Variants in INPP5A observed in about 807,000 individuals in gnomAD.
The protein encoded by INPP5A is 43 kDa inositol polyphosphate 5-phophatase.
A neutral mutation model predicts 65.2 loss-of-function variants in INPP5A; 14 were observed. The ratio of observed to expected loss-of-function variants is 0.21; its 90% CI spans 0.14 to 0.34. INPP5A has a LOEUF of 0.34. Among genes scored for constraint, INPP5A ranks in the 10% least tolerant of loss-of-function variants. The pLI, the probability that INPP5A is intolerant of heterozygous loss-of-function variation, is 1.00. For synonymous variants in INPP5A, 207 were observed against 208.3 expected (o/e 0.99, Z 0.05); for missense variants, 431 against 545.6 (o/e 0.79, Z 2.09).
At chr10:132,700,471 A>C (rs933325224) in intron 6 of INPP5A, among the ~76,000 whole-genome samples, 1 of 152,220 alleles carries the variant, frequency 6.6e-6, no homozygotes, top group African/African-American at 2.4e-5. Flanking sequence ...TTCCCTGGTA[A>C]ATTAACAAAA....
chr10:132,633,729 C>T (rs574704562), intron 2 of INPP5A, among the ~76,000 whole-genome samples: 126 of 152,342 alleles, frequency 8.3e-4, no homozygotes, highest in African/African-American at 2.9e-3. Flanking sequence ...GGTGGCTTTG[C>T]GCAGCTCCAG....
At chr10:132,561,722 C>CCA (rs35335535) in intron 1 of INPP5A, among the ~76,000 whole-genome samples, 39,658 of 142,210 alleles carry the variant, frequency 0.28, 5,324 homozygotes, top group Middle Eastern at 0.32. Context: ...TTGTCAATTT[C>CCA]CACACACACA....
At chr10:132,735,609 T>C (rs1054537389) in intron 9 of INPP5A, among the ~76,000 whole-genome samples, 4 of 152,226 alleles carry the variant, frequency 2.6e-5, no homozygotes, top group African/African-American at 7.2e-5. Flanking sequence ...CCTGGGCTGG[T>C]GGGGTCATCC....
intron 2 of INPP5A, among the ~76,000 whole-genome samples, chr10:132,614,068 C>T (rs989270719): frequency 2.0e-5 from 3 of 152,188 alleles, no homozygotes; most frequent in Admixed American, 6.5e-5. Flanking sequence ...CATCGCCAGT[C>T]GTGAGCACCC....
chr10:132,776,880 G>A (rs1847073469), intron 12 of INPP5A, among the ~76,000 whole-genome samples: 1 of 152,156 alleles, frequency 6.6e-6, no homozygotes, highest in South Asian at 2.1e-4. Context: ...GTCCGTGTGT[G>A]CGTGGACTGC....
chr10:132,608,065 C>A, intron 2 of INPP5A, 109 bp downstream of exon 2: 1 of 994,732 alleles, frequency 1.0e-6, no homozygotes, highest in Non-Finnish European at 1.6e-6. Flanking sequence ...GGAGCGCAGG[C>A]CTGGGCTGTG....
chr10:132,777,593 G>C, intron 12 of INPP5A, 78 bp from the exon 13 acceptor site: 1 of 1,294,134 alleles, frequency 7.7e-7, no homozygotes. Flanking sequence ...TATTGGGAGA[G>C]AATCGGCACA....
At chr10:132,583,108 C>T (rs1466909999) in intron 1 of INPP5A, among the ~76,000 whole-genome samples, 1 of 152,188 alleles carries the variant, frequency 6.6e-6, no homozygotes, top group Admixed American at 6.5e-5. Flanking sequence ...TTTTTCTCAG[C>T]AGCATTTTGT....
chr10:132,586,136 G>A (rs920630739), intron 1 of INPP5A, among the ~76,000 whole-genome samples: 4 of 152,146 alleles, frequency 2.6e-5, no homozygotes, highest in Admixed American at 6.5e-5. Context: ...GACTGGCCTC[G>A]TGCAGCTGGG....
chr10:132,724,176 A>C (rs963138908), intron 8 of INPP5A, among the ~76,000 whole-genome samples: 2 of 152,226 alleles, frequency 1.3e-5, no homozygotes, highest in South Asian at 4.1e-4. Flanking sequence ...ATTTTTTAAA[A>C]GATCTGCAGA....
At chr10:132,609,636 G>A (rs762796431) in intron 2 of INPP5A, among the ~76,000 whole-genome samples, 9 of 145,178 alleles carry the variant, frequency 6.2e-5, no homozygotes, top group African/African-American at 1.8e-4. Context: ...TGCTGCTTTT[G>A]TTGTTGTTGT....
chr10:132,558,726 C>T lies in INPP5A; in HGVS notation c.75+20555C>T, dbSNP rs572017514. Reference sequence around the variant, plus strand: ...AGTGCTAGCCTAGCCTCGCTGCCATCGCATGCAGTTGACCAGCTTCTTGAC... The same window carrying T: ...AGTGCTAGCCTAGCCTCGCTGCCATTGCATGCAGTTGACCAGCTTCTTGAC... On this transcript the variant is annotated intron_variant, in intron 1 of 15. Transcript: ENST00000368594. Among the ~76,000 whole-genome samples, 32 of 152,244 alleles carry T rather than the reference C, an allele frequency of 2.1e-4. No individual in the cohort carries two copies. In the South Asian group the frequency reaches 2.7e-3, roughly 13 times the overall value.
In INPP5A at chr10:132,546,277, T is replaced by G. The variant is rs1213400212; in HGVS notation, c.75+8106T>G. ...GCGCAGAAGTGGTTTCCCAGCGGCG[T>G]GCCCTGAGTGTTGGGAAAAGGCCCT... On this transcript the variant is annotated intron_variant, in intron 1 of 15. Coordinates refer to ENST00000368594, the MANE Select transcript of INPP5A (RefSeq NM_005539.5). The surrounding 1 kb of genome is among the most constrained non-coding windows in gnomAD (Gnocchi z 5.7). Among the ~76,000 whole-genome samples, 3 of 152,190 alleles carry G rather than the reference T, an allele frequency of 2.0e-5. No homozygotes were observed. Among genetic ancestry groups the G allele is most frequent in the African/African-American group, 7.2e-5 (3 of 41,448 alleles).
chr10:132,720,688 G>T (rs1179366625), intron 8 of INPP5A, among the ~76,000 whole-genome samples: 3 of 146,866 alleles, frequency 2.0e-5, no homozygotes, highest in African/African-American at 7.6e-5. Context: ...GGTTCTTTCT[G>T]GGGGCACCTT....
intron 4 of INPP5A, among the ~76,000 whole-genome samples, chr10:132,687,422 G>GCC (rs2134475886): frequency 6.6e-6 from 1 of 152,354 alleles, no homozygotes; most frequent in Non-Finnish European, 1.5e-5. Flanking sequence ...AGGGCATGTG[G>GCC]CCTGGGGCCA....
chr10:132,697,907 C>T lies in INPP5A; in HGVS notation c.462C>T (p.Asp154=). The T allele has an allele frequency of 6.2e-7, 1 of 1,609,332 alleles. No individual in the cohort carries two copies. Among genetic ancestry groups the T allele is most frequent in the Non-Finnish European group, 8.5e-7 (1 of 1,175,776 alleles). ...PMLEKEKFPQ[D]YFPECKWSRK... is the part of the protein sequence containing the mutation. ...TGGAGAAGGAGAAGTTTCCGCAGGA[C>T]TACTTCCCCGAGGTACGTAGCGAGG... The change falls in exon 6 of 16, where the codon GAC becomes GAT. Residue 154 remains aspartate (D), a synonymous_variant. Coordinates refer to ENST00000368594, the MANE Select transcript of INPP5A (RefSeq NM_005539.5). The surrounding 1 kb of genome is among the most constrained non-coding windows in gnomAD (Gnocchi z 5.6).
At chr10:132,649,358 G>C (rs2072541896) in intron 3 of INPP5A, among the ~76,000 whole-genome samples, 1 of 152,190 alleles carries the variant, frequency 6.6e-6, no homozygotes, top group Non-Finnish European at 1.5e-5. Context: ...GTCTGTTTCT[G>C]TTGACGGCTT....
intron 2 of INPP5A, among the ~76,000 whole-genome samples, chr10:132,617,131 G>C (rs2072046495): frequency 6.6e-6 from 1 of 152,176 alleles, no homozygotes. Flanking sequence ...CGCCCTGGTT[G>C]GTGGCTGTAT....
intron 1 of INPP5A, among the ~76,000 whole-genome samples, chr10:132,561,627 A>G (rs2071206679): frequency 6.6e-6 from 1 of 152,038 alleles, no homozygotes; most frequent in African/African-American, 2.4e-5. Context: ...TCAGAAAGTG[A>G]GAGTTCCAAC....
Sources: allele counts gnomAD v4.1 joint callset (sites outside exome capture counted in the v4.1 genomes callset), GRCh38; gene constraint gnomAD v4.1.1; non-coding constraint Gnocchi (gnomAD v3.1); transcripts MANE v1.5; gene names NCBI Gene and HGNC (gene_info 2026-07-23, HGNC 2026-07-21).